Variants in KIF1A observed in about 807,000 individuals in gnomAD.
KIF1A encodes kinesin family member 1A.
KIF1A carries 46 observed loss-of-function variants against 227.3 expected under a neutral mutation model. That is an observed-to-expected ratio of 0.20 (90% CI 0.16 to 0.26). The LOEUF is 0.26. Among genes scored for constraint, KIF1A ranks in the 10% least tolerant of loss-of-function variants. The pLI is 1.00. For missense variants in KIF1A, 1,683 were observed against 2,485.9 expected (o/e 0.68, Z 6.87); for synonymous variants, 1,022 against 1,012.8 (o/e 1.01, Z -0.17).
At position 240,746,044 on chromosome 2, in the gene KIF1A, C is replaced by G. The variant is rs917989127; in HGVS notation, c.3197G>C (p.Cys1066Ser). 3 of 1,607,914 alleles carry G rather than the reference C, an allele frequency of 1.9e-6. No individual in the cohort carries two copies. The highest frequency in any genetic ancestry group is 2.5e-6 in the Non-Finnish European group (3 of 1,177,636). ...AGCTGGGGTGGGCGACCCACCTGAACAGGTGTTGTTGTTGACTTCATCGGC... is the reference window on the plus strand; with the variant it reads ...AGCTGGGGTGGGCGACCCACCTGAAGAGGTGTTGTTGTTGACTTCATCGGC... ...PSADEVNNNT[C>S]SAVPPEGLLL... The change falls in exon 30 of 49, where the codon TGT becomes TCT. Residue 1066 changes from cysteine (C) to serine (S), a missense_variant. By Grantham distance (112) the Cys-to-Ser change is moderately radical. This residue lies in a region of KIF1A where 759 missense variants were observed against 1,020.2 expected (regional missense o/e 0.74). Coordinates refer to ENST00000498729, the MANE Select transcript of KIF1A (RefSeq NM_001244008.2).
chr2:240,785,302 C>T (rs2054591491), intron 6 of KIF1A, among the ~76,000 whole-genome samples: 1 of 152,248 alleles, frequency 6.6e-6, no homozygotes, highest in African/African-American at 2.4e-5. Flanking sequence ...CAGTGGCGTC[C>T]TCAGCCCCAG....
intron 27 of KIF1A, among the ~76,000 whole-genome samples, chr2:240,754,954 C>T (rs546661540): frequency 6.6e-6 from 1 of 152,158 alleles, no homozygotes; most frequent in African/African-American, 2.4e-5. Flanking sequence ...TAGACACCTG[C>T]GCTCCCTCCC....
At chr2:240,774,290 G>A in intron 11 of KIF1A, 29 bp from the exon 12 acceptor site, 1 of 1,522,234 alleles carries the variant, frequency 6.6e-7, no homozygotes, top group South Asian at 1.1e-5. Flanking sequence ...GTTGTGCCCA[G>A]AGGGGGATCT....
rs2054552679 is a variant in KIF1A, at chr2:240,785,076, A to G, written c.633T>C (p.Asn211=). ...KARTVAATNM[N]ETSSRSHAVF... is the part of the protein sequence containing the mutation. ...CGGCGTGGGAGCGACTGCTGGTCTC[A>G]TTCATGTTGGTGGCCGCCACGGTCC... The change falls in exon 7 of 49, where the codon AAT becomes AAC. Residue 211 remains asparagine (N), a synonymous_variant. Coordinates refer to ENST00000498729, the MANE Select transcript of KIF1A (RefSeq NM_001244008.2). The G allele has an allele frequency of 6.2e-7, 1 of 1,613,120 alleles. No homozygotes were observed. The highest frequency in any genetic ancestry group is 1.3e-5 in the African/African-American group (1 of 74,932).
rs771758612 is a variant in KIF1A, at chr2:240,736,588, G to C, written c.4007+475C>G. ...GCCCAGACTGTGGGGTCTTGGCCGTGCAAGGAGTGTAGGAAGGAGCAGCCT... is the reference window on the plus strand; with the variant it reads ...GCCCAGACTGTGGGGTCTTGGCCGTCCAAGGAGTGTAGGAAGGAGCAGCCT... On this transcript the variant is annotated intron_variant, in intron 38 of 48. Transcript: ENST00000498729. This position sits in a 1 kb window ranked among gnomAD's most constrained non-coding sequence, Gnocchi z 4.7. 2.6e-5 allele frequency among the ~76,000 whole-genome samples: 4 copies of C among 152,224 alleles called. No homozygotes were observed. The highest frequency in any genetic ancestry group is 2.9e-5 in the Non-Finnish European group (2 of 68,048).
intron 9 of KIF1A, 62 bp downstream of exon 9, chr2:240,782,982 C>T (rs1255021195): frequency 7.6e-7 from 1 of 1,319,224 alleles, no homozygotes; most frequent in East Asian, 2.3e-5. Flanking sequence ...GTGACAGGGG[C>T]AGGATGGGGC....
chr2:240,723,879 T>TC (rs937905196), intron 41 of KIF1A, 96 bp downstream of exon 41: 12 of 1,041,788 alleles, frequency 1.2e-5, no homozygotes, highest in Admixed American at 5.1e-5. Flanking sequence ...CTGTGAGGGA[T>TC]CCCCCTGCAA....
intron 44 of KIF1A, among the ~76,000 whole-genome samples, chr2:240,721,276 C>G (rs2045343935): frequency 1.3e-5 from 2 of 152,238 alleles, no homozygotes; most frequent in African/African-American, 4.8e-5. Context: ...GGCAGCCACC[C>G]TGCCAATGCC....
At chr2:240,776,150 A>G (rs539985055) in intron 10 of KIF1A, among the ~76,000 whole-genome samples, 4 of 152,108 alleles carry the variant, frequency 2.6e-5, no homozygotes, top group Non-Finnish European at 5.9e-5. Flanking sequence ...GGGACTTGCT[A>G]GCATGTCCTT....
intron 27 of KIF1A, among the ~76,000 whole-genome samples, chr2:240,753,682 T>C (rs954553970): frequency 3.9e-5 from 6 of 152,138 alleles, no homozygotes; most frequent in Admixed American, 3.3e-4. Flanking sequence ...CCCCATCTCC[T>C]CGCCAGGGCA....
Position 240,789,426 on chromosome 2 carries a change from C to T in KIF1A, c.107-114G>A, listed in dbSNP as rs2288745. ...AAGAGGCCTCGGGCCCCAGACAAGCCAGGCCCCCAAATTGGAGGGGACCTA... is the reference window on the plus strand; with the variant it reads ...AAGAGGCCTCGGGCCCCAGACAAGCTAGGCCCCCAAATTGGAGGGGACCTA... On this transcript the variant is annotated intron_variant, in intron 2 of 48. Coordinates refer to ENST00000498729, the MANE Select transcript of KIF1A (RefSeq NM_001244008.2). The surrounding 1 kb of genome is among the most constrained non-coding windows in gnomAD (Gnocchi z 4.8). The T allele has an allele frequency of 0.32, 264,759 of 828,034 alleles. 43,995 individuals carry two copies. The highest frequency in any genetic ancestry group is 0.44 in the African/African-American group (26,414 of 59,400). 51.3% of individuals were successfully genotyped at this position (828,034 alleles called of 1,614,324 possible).
rs1024148471 is a variant in KIF1A, at chr2:240,789,982, C to T, written c.107-670G>A. Among the ~76,000 whole-genome samples the T allele has an allele frequency of 5.9e-5, 9 of 152,158 alleles. No individual in the cohort carries two copies. The East Asian group carries it at 9.7e-4, about 16-fold the overall frequency. On this transcript the variant is annotated intron_variant, in intron 2 of 48. Coordinates refer to ENST00000498729, the MANE Select transcript of KIF1A (RefSeq NM_001244008.2). The surrounding 1 kb of genome is among the most constrained non-coding windows in gnomAD (Gnocchi z 4.8). ...ACGTGATGATGCCCCCGCCCACAGC[C>T]GGTGCCTGGGGGGGTTTCCCAGGAG...
At chr2:240,800,685 G>A (rs2056890999) in intron 1 of KIF1A, among the ~76,000 whole-genome samples, 1 of 152,230 alleles carries the variant, frequency 6.6e-6, no homozygotes, top group African/African-American at 2.4e-5. Flanking sequence ...CTTCCCTTAA[G>A]ACATTTGCCA....
At chr2:240,730,143 T>C (rs1235490381) in intron 38 of KIF1A, among the ~76,000 whole-genome samples, 1 of 152,172 alleles carries the variant, frequency 6.6e-6, no homozygotes, top group African/African-American at 2.4e-5. Flanking sequence ...GGACAAGTCT[T>C]ACCCAGATCC....
chr2:240,777,324 G>A (rs867245106), intron 10 of KIF1A, among the ~76,000 whole-genome samples: 28 of 152,166 alleles, frequency 1.8e-4, no homozygotes, highest in African/African-American at 6.3e-4. Flanking sequence ...GATTACAGGC[G>A]TGAGCCACCG....
rs546783540 is a variant in KIF1A at position 240,790,790 on chromosome 2, G to A, written c.107-1478C>T. Among the ~76,000 whole-genome samples, 61 of 152,164 alleles carry A rather than the reference G, an allele frequency of 4.0e-4. 1 individual carries two copies. Among genetic ancestry groups the A allele is most frequent in the African/African-American group, 1.2e-3 (49 of 41,516 alleles). On this transcript the variant is annotated intron_variant, in intron 2 of 48. Transcript: ENST00000498729. The surrounding 1 kb of genome is among the most constrained non-coding windows in gnomAD (Gnocchi z 5.0). ...CAAGCTAGGAACACCAGAAGCAGCCGGCAAGCCCCAGAAGCTGGAGGGCCT... is the reference window on the plus strand; with the variant it reads ...CAAGCTAGGAACACCAGAAGCAGCCAGCAAGCCCCAGAAGCTGGAGGGCCT...
chr2:240,717,431 C>T (rs776738212), intron 48 of KIF1A, 25 bp from the exon 49 acceptor site: 26 of 1,607,474 alleles, frequency 1.6e-5, no homozygotes, highest in Non-Finnish European at 1.9e-5. Context: ...GGAGAGGCGG[C>T]GTGGTCAGGC....
intron 14 of KIF1A, among the ~76,000 whole-genome samples, chr2:240,771,839 G>A (rs1390758493): frequency 6.6e-6 from 1 of 152,222 alleles, no homozygotes; most frequent in Non-Finnish European, 1.5e-5. Context: ...TAGGCCTCAT[G>A]CATCCCTAAG....
At chr2:240,812,954 C>CGGGG (rs2058035972) in intron 1 of KIF1A, among the ~76,000 whole-genome samples, 70 of 141,560 alleles carry the variant, frequency 4.9e-4, no homozygotes, top group African/African-American at 8.8e-4. Flanking sequence ...GCCTTCACCT[C>CGGGG]AAGGATCCAC....
Sources: allele counts gnomAD v4.1 joint callset (sites outside exome capture counted in the v4.1 genomes callset), GRCh38; gene constraint gnomAD v4.1.1; regional missense constraint gnomAD v4.1.1; non-coding constraint Gnocchi (gnomAD v3.1); transcripts MANE v1.5; gene names NCBI Gene and HGNC (gene_info 2026-07-23, HGNC 2026-07-21).